Variants in MARF1 observed in about 807,000 individuals in gnomAD.
MARF1 encodes limkain-b1.
MARF1 carries 24 observed loss-of-function variants against 168.2 expected under a neutral mutation model. The ratio of observed to expected loss-of-function variants is 0.14; its 90% confidence interval spans 0.10 to 0.20. MARF1 has a LOEUF of 0.20. Among genes scored for constraint, MARF1 ranks in the 10% least tolerant of loss-of-function variants. MARF1 has a pLI of 1.00. For missense variants in MARF1, 1,744 were observed against 2,143.6 expected (o/e 0.81, Z 3.68); for synonymous variants, 868 against 822.4 (o/e 1.06, Z -0.95).
chr16:15,637,198 G>A (rs1180684030), intron 2 of MARF1, among the ~76,000 whole-genome samples: 1 of 152,164 alleles, frequency 6.6e-6, no homozygotes, highest in African/African-American at 2.4e-5. Context: ...TTGCTAGGAG[G>A]ATAAAATAAG....
At chr16:15,621,315 G>T (rs1404453503) in intron 12 of MARF1, among the ~76,000 whole-genome samples, 8 of 152,190 alleles carry the variant, frequency 5.3e-5, no homozygotes, top group Admixed American at 2.6e-4. Context: ...GACTTATGGG[G>T]CTGAGTATCT....
chr16:15,599,208 T>C (rs531922078), intron 25 of MARF1, 184 bp from the exon 26 acceptor site: 1 of 629,182 alleles, frequency 1.6e-6, no homozygotes, highest in East Asian at 2.8e-5. Context: ...AGGAAGATCC[T>C]GGTAATGGAA....
rs534023119 is a variant in MARF1, at chr16:15,617,490, G to A, written c.2766C>T (p.Asp922=). Residue 922 remains aspartate, a synonymous_variant, in exon 14 of 27, where the codon GAC becomes GAT. Coordinates refer to ENST00000396368, the MANE Select transcript of MARF1 (RefSeq NM_014647.4). ...LNVSDLYKLT[D]TVAIREQGNG... ...TTCCTTGTTCACGGATTGCGACCGT[G>A]TCTGTTAATTTATATAGATCTGACA... 4 of 1,613,722 alleles carry A rather than the reference G, an allele frequency of 2.5e-6. No individual in the cohort carries two copies. In the Admixed American group the frequency reaches 6.7e-5, roughly 27 times the overall value.
In MARF1 at chr16:15,635,248, T is replaced by C. The variant is rs540090169; in HGVS notation, c.832-317A>G. 44 of 404,850 alleles carry C rather than the reference T, an allele frequency of 1.1e-4. No homozygotes were observed. The South Asian group carries it at 2.2e-3, about 20-fold the overall frequency. 25.1% of individuals were successfully genotyped at this position (404,850 alleles called of 1,614,324 possible). A position where few individuals can be genotyped will look rare whatever the true frequency, so the allele number is the denominator to read the frequency against. On this transcript the variant is annotated intron_variant, in intron 3 of 26. Coordinates refer to ENST00000396368, the MANE Select transcript of MARF1 (RefSeq NM_014647.4). The stretch of plus-strand genomic sequence containing the variant: ...TAGCAAAGTCTCACTTGAACACCAA[T>C]GTGACTGAGGCCAAGCTTCAGGTTT...
In MARF1 at chr16:15,636,216, T is replaced by G. The variant is rs776250161; in HGVS notation, c.271A>C (p.Ile91Leu). 21 of 1,614,214 alleles carry G rather than the reference T, an allele frequency of 1.3e-5. No individual in the cohort carries two copies. Among genetic ancestry groups the G allele is most frequent in the Non-Finnish European group, 1.8e-5 (21 of 1,180,040 alleles). ...ACTTTGGGGACAGAAGAAAGCTGTATTTTAGGCTGCTGAAGAGAACGAATA... is the reference window on the plus strand; with the variant it reads ...ACTTTGGGGACAGAAGAAAGCTGTAGTTTAGGCTGCTGAAGAGAACGAATA... The part of the protein sequence containing the change: ...PDIRSLQQPK[I>L]QLSSVPKVSC... Residue 91 changes from isoleucine (I) to leucine (L), a missense_variant, in exon 3 of 27, where the codon ATA (isoleucine) becomes CTA (leucine). This residue lies in a region of MARF1 where 318 missense variants were observed against 336.6 expected (regional missense o/e 0.94). Transcript: ENST00000396368.
rs757620945 is a variant in MARF1 at position 15,617,260 on chromosome 16, TA to T, written c.2957+38del. ...CATCCTAACATGTTCCACAATCTTA[TA>T]GAAAAGAATTACTTCTAAAGGAAAA... is the stretch of plus-strand genomic sequence containing the variant. On this transcript the variant is annotated intron_variant, in intron 14 of 26. Coordinates refer to ENST00000396368, the MANE Select transcript of MARF1 (RefSeq NM_014647.4). 793 of 1,610,166 alleles carry T rather than the reference TA, an allele frequency of 4.9e-4. 4 individuals carry two copies. The highest frequency in any genetic ancestry group is 4.7e-5 in the Non-Finnish European group (55 of 1,176,812).
At chr16:15,608,766 C>A in intron 20 of MARF1, 7 of 476,836 alleles carry the variant, frequency 1.5e-5, no homozygotes, top group South Asian at 4.1e-5. Flanking sequence ...GTGTATTGTG[C>A]CACAATAAAA....
Position 15,616,750 on chromosome 16 carries a change from G to A in MARF1, c.3077+302C>T, listed in dbSNP as rs998104013. On this transcript the variant is annotated intron_variant, in intron 15 of 26. Transcript: ENST00000396368. ...GGTTCCCGAGCTACACATCTGGACA[G>A]CCTGTTACTGTACTACACACTGTGA... 2.8e-4 allele frequency: 78 copies of A among 279,144 alleles called. 2 individuals are homozygous for A. Among genetic ancestry groups the A allele is most frequent in the Non-Finnish European group, 5.4e-5 (8 of 149,008 alleles). 17.3% of individuals were successfully genotyped at this position (279,144 alleles called of 1,614,324 possible). A position where few individuals can be genotyped will look rare whatever the true frequency, so the allele number is the denominator to read the frequency against.
In MARF1 at chr16:15,599,001, G is replaced by C. The variant is rs1302172594; in HGVS notation, c.4837C>G (p.Leu1613Val). 1 of 1,609,166 alleles carries C rather than the reference G, an allele frequency of 6.2e-7. No individual in the cohort carries two copies. The highest frequency in any genetic ancestry group is 8.5e-7 in the Non-Finnish European group (1 of 1,177,950). The change falls in exon 26 of 27, where the codon CTT becomes GTT. Residue 1613 changes from leucine to valine, a missense_variant. Coordinates refer to ENST00000396368, the MANE Select transcript of MARF1 (RefSeq NM_014647.4). ...GSGPSHTEQELLRLTDDSPVD... is the reference protein window; with the variant it reads ...GSGPSHTEQEVLRLTDDSPVD... Reference sequence around the variant, plus strand: ...GGGGAGTCGTCGGTCAGGCGGAGAAGCTCCTGCTCTGTGTGACTGGGCCCT... The same window carrying C: ...GGGGAGTCGTCGGTCAGGCGGAGAACCTCCTGCTCTGTGTGACTGGGCCCT...
Position 15,608,363 on chromosome 16 carries a change from A to G in MARF1, c.4110T>C (p.Tyr1370=), listed in dbSNP as rs1313568823. 6.2e-7 allele frequency: 1 copy of G among 1,613,886 alleles called. No individual in the cohort carries two copies. The highest frequency in any genetic ancestry group is 1.3e-5 in the African/African-American group (1 of 74,876). ...CATCATAGTCTTGGAGACGAAATGT[A>G]TAACCAAAAGTTTTAGCATATTCTG... ...LLTEYAKTFG[Y]TFRLQDYDVS... Residue 1370 remains tyrosine, a synonymous_variant, in exon 21 of 27, where the codon TAT becomes TAC. Coordinates refer to ENST00000396368, the MANE Select transcript of MARF1 (RefSeq NM_014647.4).
At position 15,623,274 on chromosome 16, in the gene MARF1, CTTTTTTTTTTTT is replaced by C. The variant is rs71375044; in HGVS notation, c.2271-163_2271-152del. Reference sequence around the variant, plus strand: ...TTTGGTTTTCAAATGTGTTTTTAATCTTTTTTTTTTTTTTTTTTTTTTTGAGACAGAGTCTCG... The same window carrying C: ...TTTGGTTTTCAAATGTGTTTTTAATCTTTTTTTTTTTGAGACAGAGTCTCG... On this transcript the variant is annotated intron_variant, in intron 10 of 26. Coordinates refer to ENST00000396368, the MANE Select transcript of MARF1 (RefSeq NM_014647.4). 3.4e-5 allele frequency: 4 copies of C among 119,208 alleles called. No homozygotes were observed. The South Asian group carries it at 9.3e-4, about 28-fold the overall frequency. 7.4% of individuals were successfully genotyped at this position (119,208 alleles called of 1,614,324 possible). A position where few individuals can be genotyped will look rare whatever the true frequency, so the allele number is the denominator to read the frequency against.
chr16:15,610,882 G>T, intron 19 of MARF1, 93 bp downstream of exon 19: 2 of 1,243,718 alleles, frequency 1.6e-6, no homozygotes, highest in Non-Finnish European at 2.3e-6. Flanking sequence ...CAGGAAGCAC[G>T]GACAGGGAGG....
At chr16:15,612,950 C>G (rs1289045120) in intron 16 of MARF1, among the ~76,000 whole-genome samples, 173 bp from the exon 17 acceptor site, 1 of 152,198 alleles carries the variant, frequency 6.6e-6, no homozygotes, top group East Asian at 1.9e-4. Context: ...AGTCCAATAA[C>G]TAGCTAACTA....
chr16:15,611,997 T>C (rs2033605416), intron 17 of MARF1, among the ~76,000 whole-genome samples: 1 of 152,204 alleles, frequency 6.6e-6, no homozygotes, highest in Non-Finnish European at 1.5e-5. Context: ...GTGTAATCTT[T>C]TGAAAAGAAA....
rs533257429 is a variant in MARF1 at position 15,640,590 on chromosome 16, G to C, written c.-58-1299C>G. Among the ~76,000 whole-genome samples, 30 of 152,298 alleles carry C rather than the reference G, an allele frequency of 2.0e-4. No homozygotes were observed. The South Asian group carries it at 6.2e-3, about 32-fold the overall frequency. On this transcript the variant is annotated intron_variant, in intron 1 of 26. Coordinates refer to ENST00000396368, the MANE Select transcript of MARF1 (RefSeq NM_014647.4). Reference sequence around the variant, plus strand: ...GCATGCCTGTAGCCCCATCTACTCAGGAGGCTATGGTGGAAGAATCACCTA... The same window carrying C: ...GCATGCCTGTAGCCCCATCTACTCACGAGGCTATGGTGGAAGAATCACCTA...
At chr16:15,612,109 T>G (rs1482490322) in intron 17 of MARF1, among the ~76,000 whole-genome samples, 1 of 152,226 alleles carries the variant, frequency 6.6e-6, no homozygotes, top group African/African-American at 2.4e-5. Context: ...TATAACACTG[T>G]GAGTTAACTG....
intron 22 of MARF1, chr16:15,602,778 G>A (rs990186050): frequency 5.5e-5 from 21 of 380,320 alleles, no homozygotes; most frequent in Admixed American, 5.1e-4. Context: ...AAGAAATCGG[G>A]GGAGGCAAAC....
intron 1 of MARF1, among the ~76,000 whole-genome samples, 193 bp downstream of exon 1, chr16:15,642,825 G>A (rs1303606104): frequency 6.6e-6 from 1 of 152,154 alleles, no homozygotes; most frequent in African/African-American, 2.4e-5. Context: ...GTAGTGAATG[G>A]ACCCGAAAGG....
chr16:15,623,168 G>A, intron 10 of MARF1, 45 bp from the exon 11 acceptor site: 3 of 1,399,580 alleles, frequency 2.1e-6, no homozygotes, highest in Non-Finnish European at 2.9e-6. Context: ...AAACTGTTCT[G>A]TATATTTAGA....
Sources: allele counts gnomAD v4.1 joint callset (sites outside exome capture counted in the v4.1 genomes callset), GRCh38; gene constraint gnomAD v4.1.1; regional missense constraint gnomAD v4.1.1; transcripts MANE v1.5; gene names NCBI Gene and HGNC (gene_info 2026-07-23, HGNC 2026-07-21).